Variants in CYP4F11 observed in about 807,000 individuals in gnomAD.
CYP4F11 encodes cytochrome P450 family 4 subfamily F member 11.
Under a neutral mutation model 62.2 loss-of-function variants are expected in CYP4F11, and 79 were observed. That is an observed-to-expected ratio of 1.27 (90% CI 1.06 to 1.53). The LOEUF is 1.53. Ranked by LOEUF, CYP4F11 falls within the 40% of genes most tolerant of loss-of-function variation. The probability of loss-of-function intolerance (pLI) is 0.00; values close to 1 mark genes in which losing one functional copy is unlikely to be tolerated. For synonymous variants in CYP4F11, 290 were observed against 263.7 expected (o/e 1.10, Z -0.97); for missense variants, 777 against 680.5 (o/e 1.14, Z -1.58).
At chr19:15,931,519 G>A (rs778942191) in intron 1 of CYP4F11, among the ~76,000 whole-genome samples, 2 of 150,098 alleles carry the variant, frequency 1.3e-5, no homozygotes, top group South Asian at 2.1e-4. Flanking sequence ...ACTTGGGATG[G>A]CACATCAGAG....
Position 15,913,227 on chromosome 19 carries a change from G to A in CYP4F11, c.*505C>T, listed in dbSNP as rs372184830. 27 of 163,404 alleles carry A rather than the reference G, an allele frequency of 1.7e-4. No individual in the cohort carries two copies. The highest frequency in any genetic ancestry group is 5.4e-5 in the Non-Finnish European group (4 of 73,666). 10.1% of individuals were successfully genotyped at this position (163,404 alleles called of 1,614,324 possible). A position where few individuals can be genotyped will look rare whatever the true frequency, so the allele number is the denominator to read the frequency against. On this transcript the variant is annotated 3_prime_UTR_variant, in exon 12 of 12. Coordinates refer to ENST00000402119, the MANE Select transcript of CYP4F11 (RefSeq NM_021187.4). ...GAGTCACAGAGAGAACGCACTGGGA[G>A]GGGGAGAAACAGGGGTGGGAAGTTG...
upstream of CYP4F11, chr19:15,934,733 A>ACCCCAACCTTGGGCAGTCCCCT (rs2089763904): frequency 7.3e-6 from 2 of 272,580 alleles, no homozygotes; most frequent in African/African-American, 2.3e-5. Flanking sequence ...GCCTTGACCC[A>ACCCCAACCTTGGGCAGTCCCCT]CCCCAACCTT....
At position 15,922,385 on chromosome 19, in the gene CYP4F11, C is replaced by T. The variant is rs1257905500; in HGVS notation, c.964G>A (p.Ala322Thr). ...ELSDEDIRAE[A>T]DTFMFEGHDT... ...TCACCCTCAAACATGAAGGTGTCAG[C>T]TTCTGCTCTTATGTCCTCATCAGAC... Residue 322 changes from alanine (A) to threonine (T), a missense_variant, in exon 7 of 12, where the codon GCT (alanine) becomes ACT (threonine). Physicochemically the swap from Ala to Thr is moderately conservative, Grantham distance 58. Coordinates refer to ENST00000402119, the MANE Select transcript of CYP4F11 (RefSeq NM_021187.4). 1 of 1,614,208 alleles carries T rather than the reference C, an allele frequency of 6.2e-7. No homozygotes were observed. Among genetic ancestry groups the T allele is most frequent in the South Asian group, 1.1e-5 (1 of 91,080 alleles).
In CYP4F11 at chr19:15,928,336, G is replaced by A. The variant is rs146828998; in HGVS notation, c.344-853C>T. On this transcript the variant is annotated intron_variant, in intron 2 of 11. Transcript: ENST00000402119. ...TATACCAGATACAATCAAATATAAT[G>A]TAGAAAACATAGGCTATATATGGGA... Among the ~76,000 whole-genome samples the A allele has an allele frequency of 6.6e-4, 101 of 152,254 alleles. 1 individual carries two copies. The highest frequency in any genetic ancestry group is 2.2e-3 in the African/African-American group (93 of 41,544).
chr19:15,924,664 C>T (rs3746153), intron 5 of CYP4F11, 97 bp downstream of exon 5: 211,835 of 1,472,634 alleles, frequency 0.14, 16,416 homozygotes, highest in South Asian at 0.26. Flanking sequence ...AAAGTGCCTT[C>T]AGAAAGGCAC....
intron 4 of CYP4F11, among the ~76,000 whole-genome samples, chr19:15,925,735 C>CACACACACACAA (rs2089663990): frequency 6.6e-6 from 1 of 150,612 alleles, no homozygotes; most frequent in Non-Finnish European, 1.5e-5. Context: ...TATGTACACA[C>CACACACACACAA]ACACACACAC....
chr19:15,917,765 A>G (rs1200444112), intron 8 of CYP4F11, among the ~76,000 whole-genome samples: 1 of 152,164 alleles, frequency 6.6e-6, no homozygotes, highest in African/African-American at 2.4e-5. Context: ...GCAATGTAAG[A>G]TGATCTCTTC....
intron 4 of CYP4F11, among the ~76,000 whole-genome samples, chr19:15,925,758 A>ACC (rs1555777905): frequency 5.4e-5 from 8 of 148,788 alleles, no homozygotes; most frequent in South Asian, 2.2e-4. Flanking sequence ...ACACACACAC[A>ACC]CCCTGTAGTT....
At chr19:15,934,619 A>AAG, upstream of CYP4F11, 5 of 557,304 alleles carry the variant, frequency 9.0e-6, no homozygotes, top group South Asian at 2.6e-5. Context: ...CAGAAAGGGA[A>AAG]AGAGAGAGAG....
chr19:15,931,131 G>T, intron 1 of CYP4F11, among the ~76,000 whole-genome samples: 1 of 151,972 alleles, frequency 6.6e-6, no homozygotes, highest in East Asian at 1.9e-4. Context: ...AAGGCCGACT[G>T]GGACATGTTA....
chr19:15,921,623 T>C (rs895972077), intron 8 of CYP4F11, among the ~76,000 whole-genome samples: 36 of 152,358 alleles, frequency 2.4e-4, no homozygotes, highest in African/African-American at 8.4e-4. Context: ...GCAGGTGTTC[T>C]GGATAGGAAT....
rs2145065813 is a variant in CYP4F11, at chr19:15,934,350, A to C, written c.59T>G (p.Leu20Arg). Residue 20 changes from leucine (L) to arginine (R), a missense_variant, in exon 1 of 12, where the codon CTG becomes CGG. Transcript: ENST00000402119. ...GLGPVAASPW[L>R]LLLLVGGSWL... ...GGAGCCTCCAACCAGCAGCAGAAGC[A>C]GCCACGGGGATGCTGCCACGGGCCC... is the stretch of plus-strand genomic sequence containing the variant. 1.9e-6 allele frequency: 3 copies of C among 1,613,370 alleles called. No homozygotes were observed. Among genetic ancestry groups the C allele is most frequent in the Non-Finnish European group, 2.5e-6 (3 of 1,179,658 alleles).
intron 2 of CYP4F11, chr19:15,927,738 T>C: frequency 1.8e-6 from 1 of 540,622 alleles, no homozygotes; most frequent in Non-Finnish European, 3.3e-6. Context: ...TCCAACATGT[T>C]CTGCAACACC....
Position 15,929,451 on chromosome 19 carries a change from G to T in CYP4F11, c.343+6C>A, listed in dbSNP as rs756120159. On this transcript the variant is annotated splice_donor_region_variant and intron_variant, in intron 2 of 11. Coordinates refer to ENST00000402119, the MANE Select transcript of CYP4F11 (RefSeq NM_021187.4). ...GCCCCCACTACCACAAGCTCTGCAC[G>T]GGTACCTGAGGCACTGGTGATAGGC... 1 of 1,614,048 alleles carries T rather than the reference G, an allele frequency of 6.2e-7. No individual in the cohort carries two copies.
In CYP4F11 at chr19:15,912,805, T is replaced by TATATATATATATATATATATAC. The variant is rs1183276800; in HGVS notation, c.*926_*927insGTATATATATATATATATATAT. The TATATATATATATATATATATAC allele has an allele frequency of 2.4e-4, 24 of 101,240 alleles. 2 individuals carry two copies. The highest frequency in any genetic ancestry group is 8.3e-4 in the South Asian group (2 of 2,414). The allele number at this position is 101,240 out of a possible 1,614,324, so 6.3% of individuals were successfully genotyped here. On this transcript the variant is annotated 3_prime_UTR_variant, in exon 12 of 12. Coordinates refer to ENST00000402119, the MANE Select transcript of CYP4F11 (RefSeq NM_021187.4). ...TATATATATAATATATATATATATATACATATCTTATATGCACAGCCCTCT... is the reference window on the plus strand; with the variant it reads ...TATATATATAATATATATATATATATATATATATATATATATATATACACATATCTTATATGCACAGCCCTCT...
At position 15,934,325 on chromosome 19, in the gene CYP4F11, G is replaced by A. The variant is rs2089759397; in HGVS notation, c.84C>T (p.Ser28=). The change falls in exon 1 of 12, where the codon TCC becomes TCT. Residue 28 remains serine, a synonymous_variant. Transcript: ENST00000402119. ...PWLLLLLVGG[S]WLLARVLAWT... ...AGGCCAGGACGCGGGCCAGGAGCCA[G>A]GAGCCTCCAACCAGCAGCAGAAGCA... 5 of 1,613,150 alleles carry A rather than the reference G, an allele frequency of 3.1e-6. No individual in the cohort carries two copies. The highest frequency in any genetic ancestry group is 4.2e-6 in the Non-Finnish European group (5 of 1,179,426).
rs775182327 is a variant in CYP4F11, at chr19:15,924,762, C to T, written c.646G>A (p.Glu216Lys). ...CVFSFESNCQ[E>K]KPSEYIAAIL... ...CTCAGGTCCTAGGAAAGGACTCACT[C>T]CTGACAATTGCTTTCAAAGCTGAAG... Residue 216 changes from glutamate to lysine, a missense_variant and splice_region_variant, in exon 5 of 12, where the codon GAG becomes AAG. By Grantham distance (56) the Glu-to-Lys change is moderately conservative. Coordinates refer to ENST00000402119, the MANE Select transcript of CYP4F11 (RefSeq NM_021187.4). 15 of 1,610,166 alleles carry T rather than the reference C, an allele frequency of 9.3e-6. No homozygotes were observed. Among genetic ancestry groups the T allele is most frequent in the Non-Finnish European group, 1.3e-5 (15 of 1,177,552 alleles).
rs916593961 is a variant in CYP4F11, at chr19:15,924,834, A to C, written c.574T>G (p.Phe192Val). 1.9e-6 allele frequency: 3 copies of C among 1,612,832 alleles called. No individual in the cohort carries two copies. The highest frequency in any genetic ancestry group is 2.5e-6 in the Non-Finnish European group (3 of 1,179,268). Reference sequence around the variant, plus strand: ...AAGGTCATGAGGCTGATGTGTTCAAACATGTCCAGTCTGGCGCTGCCCTCT... The same window carrying C: ...AAGGTCATGAGGCTGATGTGTTCAACCATGTCCAGTCTGGCGCTGCCCTCT... ...ASEGSARLDMFEHISLMTLDS... is the reference protein window; with the variant it reads ...ASEGSARLDMVEHISLMTLDS... The change falls in exon 5 of 12, where the codon TTT (phenylalanine) becomes GTT (valine). Residue 192 changes from phenylalanine to valine, a missense_variant. Physicochemically the swap from Phe to Val is conservative, Grantham distance 50 (BLOSUM62 -1). Transcript: ENST00000402119.
In CYP4F11 at chr19:15,923,792, C is replaced by G. The variant is rs773471583; in HGVS notation, c.918+20G>C. On this transcript the variant is annotated intron_variant, in intron 6 of 11. Transcript: ENST00000402119. The stretch of plus-strand genomic sequence containing the variant: ...AAATCTCCACTCTATTACTTGAATT[C>G]ACATCCCAGAGAAGCCTACCTTGCT... 1 of 1,602,726 alleles carries G rather than the reference C, an allele frequency of 6.2e-7. No homozygotes were observed. Among genetic ancestry groups the G allele is most frequent in the Non-Finnish European group, 8.5e-7 (1 of 1,172,124 alleles).
Sources: allele counts gnomAD v4.1 joint callset (sites outside exome capture counted in the v4.1 genomes callset), GRCh38; gene constraint gnomAD v4.1.1; transcripts MANE v1.5; gene names NCBI Gene and HGNC (gene_info 2026-07-23, HGNC 2026-07-21).